The following CCDC7 variants were observed in gnomAD, a reference collection of about 807,000 sequenced individuals.
CCDC7 encodes the protein coiled-coil domain containing 7, also known as coiled-coil domain-containing protein 7.
A neutral mutation model predicts 196.9 loss-of-function variants in CCDC7; 183 were observed. The observed-to-expected ratio is 0.93, with a 90% CI of 0.82 to 1.05. CCDC7 has a LOEUF of 1.05. Ranked by LOEUF, CCDC7 falls within the 50% of genes least tolerant of loss-of-function variation. The pLI, the probability that CCDC7 is intolerant of heterozygous loss-of-function variation, is 0.00. For missense variants in CCDC7, 1,540 were observed against 1,482.2 expected (o/e 1.04, Z -0.64); for synonymous variants, 525 against 484.6 (o/e 1.08, Z -1.10).
At chr10:32,746,320 C>T (rs1281910469) in intron 28 of CCDC7, among the ~76,000 whole-genome samples, 1 of 152,174 alleles carries the variant, frequency 6.6e-6, no homozygotes, top group Non-Finnish European at 1.5e-5. Context: ...TCTCACCATG[C>T]ACCTCCAGAA....
chr10:32,683,320 C>G (rs189536530), intron 21 of CCDC7, among the ~76,000 whole-genome samples: 1 of 152,130 alleles, frequency 6.6e-6, no homozygotes, highest in Admixed American at 6.5e-5. Flanking sequence ...TGGCTTTATT[C>G]CTGAGTTCTC....
upstream of CCDC7, among the ~76,000 whole-genome samples, chr10:32,445,428 T>C (rs771471954): frequency 2.6e-5 from 4 of 152,228 alleles, no homozygotes; most frequent in Non-Finnish European, 5.9e-5. Context: ...ATCTAAGGTC[T>C]CCTTTAAACC....
chr10:32,768,524 G>T (rs1156999554), intron 28 of CCDC7, among the ~76,000 whole-genome samples: 1 of 151,880 alleles, frequency 6.6e-6, no homozygotes, highest in Non-Finnish European at 1.5e-5. Context: ...TTTTTCTCTT[G>T]CCTCACAGCT....
intron 41 of CCDC7, 73 bp downstream of exon 42, chr10:32,854,562 A>G (rs1565720418): frequency 1.0e-6 from 1 of 953,678 alleles, no homozygotes; most frequent in Non-Finnish European, 1.6e-6. Flanking sequence ...CTATTTACCA[A>G]CCTCAAACCT....
intron 40 of CCDC7, among the ~76,000 whole-genome samples, chr10:32,852,405 C>T (rs2093597931): frequency 1.3e-5 from 2 of 152,082 alleles, no homozygotes; most frequent in African/African-American, 4.8e-5. Context: ...AACTAAGATT[C>T]GATTCTTATC....
At chr10:32,829,871 T>C (rs925158670) in intron 32 of CCDC7, among the ~76,000 whole-genome samples, 1 of 151,508 alleles carries the variant, frequency 6.6e-6, no homozygotes. Context: ...CAGCTGCCAG[T>C]GTGGCTAGAA....
chr10:32,540,703 T>G (rs946612997), intron 11 of CCDC7, among the ~76,000 whole-genome samples: 3 of 152,240 alleles, frequency 2.0e-5, no homozygotes, highest in African/African-American at 7.2e-5. Context: ...ACCCAGTCTC[T>G]TCTGGCTTGT....
At chr10:32,573,345 A>G (rs1221695953) in intron 16 of CCDC7, among the ~76,000 whole-genome samples, 1 of 152,190 alleles carries the variant, frequency 6.6e-6, no homozygotes, top group Admixed American at 6.5e-5. Flanking sequence ...TTAATATTGA[A>G]CATTTAGTTG....
intron 21 of CCDC7, among the ~76,000 whole-genome samples, chr10:32,679,049 G>C (rs1028386504): frequency 6.6e-6 from 1 of 151,798 alleles, no homozygotes; most frequent in African/African-American, 2.4e-5. Context: ...ATATGTATTT[G>C]GGCATATGTT....
intron 17 of CCDC7, among the ~76,000 whole-genome samples, chr10:32,583,934 C>T (rs983936817): frequency 6.6e-6 from 1 of 151,966 alleles, no homozygotes; most frequent in Admixed American, 6.6e-5. Context: ...AAACAAGAAT[C>T]TTAATAATTA....
intron 28 of CCDC7, among the ~76,000 whole-genome samples, chr10:32,738,165 T>C (rs1295718485): frequency 6.6e-6 from 1 of 152,142 alleles, no homozygotes; most frequent in Non-Finnish European, 1.5e-5. Context: ...TCCTATATCT[T>C]CTCCTTTCTC....
intron 39 of CCDC7, among the ~76,000 whole-genome samples, chr10:32,850,184 C>T (rs2093494209): frequency 6.6e-6 from 1 of 152,166 alleles, no homozygotes; most frequent in Non-Finnish European, 1.5e-5. Flanking sequence ...TCCAAATTTG[C>T]AGATTTCCTC....
At chr10:32,451,650 C>G in exon 1 of CCDC7, 1 of 1,585,376 alleles carries the variant, frequency 6.3e-7, no homozygotes. Context: ...AAAATGAAAC[C>G]AGTAAAGCAT....
intron 24 of CCDC7, among the ~76,000 whole-genome samples, chr10:32,708,091 C>T (rs1417020106): frequency 6.6e-6 from 1 of 151,986 alleles, no homozygotes; most frequent in African/African-American, 2.4e-5. Context: ...GCTACAGTAA[C>T]CAAAAGAGCA....
intron 18 of CCDC7, among the ~76,000 whole-genome samples, chr10:32,616,520 C>T (rs2062787189): frequency 6.7e-6 from 1 of 149,938 alleles, no homozygotes; most frequent in Non-Finnish European, 1.5e-5. Flanking sequence ...CATCCTGAAA[C>T]TTTTCCGAAT....
At chr10:32,810,949 C>A (rs79555224) in intron 30 of CCDC7, among the ~76,000 whole-genome samples, 6,023 of 151,744 alleles carry the variant, frequency 0.04, 124 homozygotes, top group Middle Eastern at 0.051. Context: ...AAAAGGAAAT[C>A]AAAAAATGCT....
chr10:32,843,323 ATAG>A (rs1443552937), intron 33 of CCDC7, among the ~76,000 whole-genome samples: 7 of 151,982 alleles, frequency 4.6e-5, no homozygotes, highest in Non-Finnish European at 5.9e-5. Context: ...AATACACATA[ATAG>A]TAGTGCAAAA....
intron 40 of CCDC7, among the ~76,000 whole-genome samples, chr10:32,853,356 T>C (rs1243417412): frequency 1.3e-5 from 2 of 152,128 alleles, no homozygotes; most frequent in African/African-American, 4.8e-5. Context: ...TATAATAGCA[T>C]AAAATATTTT....
intron 24 of CCDC7, among the ~76,000 whole-genome samples, chr10:32,701,774 A>G (rs1227737643): frequency 1.3e-5 from 2 of 152,090 alleles, no homozygotes; most frequent in South Asian, 4.2e-4. Flanking sequence ...GAATTTATCC[A>G]TTTCTTCTAG....
Sources: allele counts gnomAD v4.1 joint callset (sites outside exome capture counted in the v4.1 genomes callset), GRCh38; gene constraint gnomAD v4.1.1; transcripts MANE v1.5; gene names NCBI Gene and HGNC (gene_info 2026-07-23, HGNC 2026-07-21).